EPHA10: variants seen among roughly 807,000 people sequenced by gnomAD.
The protein encoded by EPHA10 is EPH receptor A10, also known as ephrin type-A receptor 10.
EPHA10 carries 120 observed loss-of-function variants against 109.7 expected under a neutral mutation model. The ratio of observed to expected loss-of-function variants is 1.09; its 90% CI spans 0.94 to 1.27. The LOEUF is 1.27. Among genes scored for constraint, EPHA10 ranks in the 50% most tolerant of loss-of-function variants. The pLI is 0.00. For missense variants in EPHA10, 1,396 were observed against 1,411.1 expected (o/e 0.99, Z 0.17); for synonymous variants, 640 against 618.9 (o/e 1.03, Z -0.51).
In EPHA10 at chr1:37,754,076, T is replaced by A. The variant is rs1646370496; in HGVS notation, c.1006+139A>T. On this transcript the variant is annotated intron_variant, in intron 4 of 16. Coordinates refer to ENST00000373048, the MANE Select transcript of EPHA10 (RefSeq NM_001099439.2). This position sits in a 1 kb window ranked among gnomAD's most constrained non-coding sequence, Gnocchi z 4.5. Reference sequence around the variant, plus strand: ...GGCTCCGCTCCCCCGTACGCCGCCTTCCGGGGCGCTGGCCCCCATATCCGC... The same window carrying A: ...GGCTCCGCTCCCCCGTACGCCGCCTACCGGGGCGCTGGCCCCCATATCCGC... 1 of 1,009,186 alleles carries A rather than the reference T, an allele frequency of 9.9e-7. No homozygotes were observed. The highest frequency in any genetic ancestry group is 1.3e-6 in the Non-Finnish European group (1 of 782,662). 62.5% of individuals were successfully genotyped at this position (1,009,186 alleles called of 1,614,324 possible). A position where few individuals can be genotyped will look rare whatever the true frequency, so the allele number is the denominator to read the frequency against.
intron 3 of EPHA10, among the ~76,000 whole-genome samples, chr1:37,757,297 C>T (rs1569765795): frequency 6.6e-6 from 1 of 152,188 alleles, no homozygotes; most frequent in Admixed American, 6.5e-5. Flanking sequence ...CCCCACTTAT[C>T]CATCTACTTT....
Position 37,753,245 on chromosome 1 carries a change from G to C in EPHA10, c.1007-19C>G, listed in dbSNP as rs1000978230. Reference sequence around the variant, plus strand: ...GGCGGCCCTGAGGCGGCACAGGGGCGGGGCGGTCAGGGCGGGGCGTGGGTG... The same window carrying C: ...GGCGGCCCTGAGGCGGCACAGGGGCCGGGCGGTCAGGGCGGGGCGTGGGTG... On this transcript the variant is annotated intron_variant, in intron 4 of 16. Transcript: ENST00000373048. 3.9e-6 allele frequency: 5 copies of C among 1,287,982 alleles called. No individual in the cohort carries two copies. The African/African-American group carries it at 7.8e-5, about 20-fold the overall frequency. The allele number at this position is 1,287,982 out of a possible 1,614,324, so 79.8% of individuals were successfully genotyped here. A position where few individuals can be genotyped will look rare whatever the true frequency, so the allele number is the denominator to read the frequency against.
chr1:37,733,163 G>C (rs1484784934), intron 6 of EPHA10, among the ~76,000 whole-genome samples: 1 of 151,638 alleles, frequency 6.6e-6, no homozygotes, highest in African/African-American at 2.4e-5. Flanking sequence ...GAAGTGCTGG[G>C]ATTACAGGCG....
chr1:37,751,745 C>T (rs1200396615), intron 5 of EPHA10, among the ~76,000 whole-genome samples: 1 of 151,404 alleles, frequency 6.6e-6, no homozygotes, highest in Non-Finnish European at 1.5e-5. Context: ...TGGTGGCATG[C>T]ACCTGTAGTC....
rs376748671 is a variant in EPHA10 at position 37,727,218 on chromosome 1, G to T, written c.1664-8C>A. The T allele has an allele frequency of 5.0e-6, 8 of 1,592,232 alleles. No homozygotes were observed. The highest frequency in any genetic ancestry group is 1.4e-5 in the African/African-American group (1 of 73,996). ...CCCTGGACCCTGAGGCAGCTGGGAG[G>T]AAAATCACGAGGTTGAGGCAGGCAG... is the stretch of plus-strand genomic sequence containing the variant. On this transcript the variant is annotated splice_polypyrimidine_tract_variant and splice_region_variant and intron_variant, in intron 7 of 16. Coordinates refer to ENST00000373048, the MANE Select transcript of EPHA10 (RefSeq NM_001099439.2).
chr1:37,740,430 C>T lies in EPHA10; in HGVS notation c.1358-5040G>A, dbSNP rs549594958. On this transcript the variant is annotated intron_variant, in intron 5 of 16. Coordinates refer to ENST00000373048, the MANE Select transcript of EPHA10 (RefSeq NM_001099439.2). ...ACGCCATTCTCCTGCCTCAGCCTCC[C>T]GAGTAGCTGGGACTACAGGTGCCCG... is the stretch of plus-strand genomic sequence containing the variant. 4.8e-3 allele frequency among the ~76,000 whole-genome samples: 723 copies of T among 152,112 alleles called. 2 individuals are homozygous for T. Among genetic ancestry groups the T allele is most frequent in the Non-Finnish European group, 8.4e-3 (571 of 67,972 alleles).
intron 5 of EPHA10, among the ~76,000 whole-genome samples, chr1:37,745,733 C>T (rs984355172): frequency 1.3e-5 from 2 of 152,144 alleles, no homozygotes; most frequent in South Asian, 2.1e-4. Flanking sequence ...ACCTATAATC[C>T]CAGCTACTTG....
chr1:37,758,942 T>A (rs1646411289), intron 3 of EPHA10, among the ~76,000 whole-genome samples: 1 of 152,188 alleles, frequency 6.6e-6, no homozygotes, highest in Non-Finnish European at 1.5e-5. Context: ...GGGGACTCCT[T>A]TCTCCTCCTG....
chr1:37,725,506 CAAAAAAAAAAAAA>C (rs536628850), intron 8 of EPHA10, among the ~76,000 whole-genome samples: 1 of 56,434 alleles, frequency 1.8e-5, no homozygotes, highest in Non-Finnish European at 3.2e-5. Flanking sequence ...GGCTCCATCT[CAAAAAAAAAAAAA>C]AAAAAAAAAA....
chr1:37,741,540 T>C (rs1477497614), intron 5 of EPHA10, among the ~76,000 whole-genome samples: 1 of 152,152 alleles, frequency 6.6e-6, no homozygotes, highest in East Asian at 1.9e-4. Flanking sequence ...GTTGAAAACC[T>C]ACACCATCAC....
At chr1:37,715,070 C>T (rs1271137975), downstream of EPHA10, 1 of 152,254 alleles carries the variant, frequency 6.6e-6, no homozygotes, top group Non-Finnish European at 1.5e-5. Context: ...TGCTCTGTCA[C>T]CCAGGCTGGA....
rs781165042 is a variant in EPHA10 at position 37,721,688 on chromosome 1, G to T, written c.2118C>A (p.Ile706=). ...GGGTAACAACGCCCTCCAGCCGCAC[G>T]ATGTGGCTATGGTCAAACTGGCCCA... ...LTLGQFDHSH[I]VRLEGVVTRG... Residue 706 remains isoleucine, a synonymous_variant, in exon 11 of 17, where the codon ATC becomes ATA. Coordinates refer to ENST00000373048, the MANE Select transcript of EPHA10 (RefSeq NM_001099439.2). The T allele has an allele frequency of 1.2e-6, 2 of 1,609,870 alleles. No homozygotes were observed. The highest frequency in any genetic ancestry group is 2.2e-5 in the South Asian group (2 of 90,836).
rs887136142 is a variant in EPHA10 at position 37,720,117 on chromosome 1, C to T, written c.2413-59G>A. 14 of 1,589,654 alleles carry T rather than the reference C, an allele frequency of 8.8e-6. No individual in the cohort carries two copies. The African/African-American group carries it at 1.3e-4, about 15-fold the overall frequency. On this transcript the variant is annotated intron_variant, in intron 13 of 16. Coordinates refer to ENST00000373048, the MANE Select transcript of EPHA10 (RefSeq NM_001099439.2). ...ACTGGGTGACACGCAGGTTTCCCCA[C>T]CCCACTGAGCCCCAGATCCAGCCTG...
At chr1:37,760,956 C>T (rs890042762) in intron 3 of EPHA10, 11 of 205,622 alleles carry the variant, frequency 5.3e-5, no homozygotes, top group Non-Finnish European at 9.7e-5. Flanking sequence ...TGGTGGTGCA[C>T]GCCTATAATC....
At chr1:37,724,617 TG>T (rs1317038368) in intron 8 of EPHA10, among the ~76,000 whole-genome samples, 1 of 151,790 alleles carries the variant, frequency 6.6e-6, no homozygotes, top group African/African-American at 2.4e-5. Flanking sequence ...GTAGAGGGGA[TG>T]GTAGAGAGAA....
At chr1:37,743,183 A>G (rs146860234) in intron 5 of EPHA10, among the ~76,000 whole-genome samples, 15 of 152,268 alleles carry the variant, frequency 9.9e-5, no homozygotes, top group African/African-American at 3.6e-4. Context: ...AATTGGGTAT[A>G]TGAAAAAATA....
chr1:37,752,968 G>T lies in EPHA10; in HGVS notation c.1265C>A (p.Thr422Asn), dbSNP rs1232506188. 7.9e-7 allele frequency: 1 copy of T among 1,267,364 alleles called. No homozygotes were observed. 78.5% of individuals were successfully genotyped at this position (1,267,364 alleles called of 1,614,324 possible). ...LLHLRPGARYTVRVAALNGVS... is the reference protein window; with the variant it reads ...LLHLRPGARYNVRVAALNGVS... ...GCCGTTGAGCGCGGCCACGCGCACG[G>T]TGTAGCGCGCGCCGGGCCGCAGGTG... The change falls in exon 5 of 17, where the codon ACC becomes AAC. Residue 422 changes from threonine (T) to asparagine (N), a missense_variant. Transcript: ENST00000373048.
chr1:37,747,144 G>A (rs1031769935), intron 5 of EPHA10, among the ~76,000 whole-genome samples: 8 of 152,206 alleles, frequency 5.3e-5, no homozygotes, highest in African/African-American at 1.9e-4. Context: ...TACTAACAAT[G>A]TGATAATATC....
chr1:37,719,425 A>T lies in EPHA10; in HGVS notation c.2745T>A (p.Thr915=), dbSNP rs1398088234. The change falls in exon 15 of 17, where the codon ACT becomes ACA. Residue 915 remains threonine (T), a synonymous_variant. Transcript: ENST00000373048. ...QDPEPPKCAL[T]TCPRPPTPLA... ...ATGTGGGAACGTACCTGGGACAGGTAGTCAGGGCACACTTGGGGGGCTCTG... is the reference window on the plus strand; with the variant it reads ...ATGTGGGAACGTACCTGGGACAGGTTGTCAGGGCACACTTGGGGGGCTCTG... 1 of 1,612,746 alleles carries T rather than the reference A, an allele frequency of 6.2e-7. No homozygotes were observed. Among genetic ancestry groups the T allele is most frequent in the East Asian group, 2.2e-5 (1 of 44,884 alleles).
Sources: gnomAD v4.1 joint callset for allele counts (sites outside exome capture counted in the v4.1 genomes callset) on GRCh38, gnomAD v4.1.1 for gene constraint, Gnocchi (gnomAD v3.1) non-coding constraint, MANE v1.5 for transcripts, NCBI Gene and HGNC (gene_info 2026-07-23, HGNC 2026-07-21) for gene names.